The following SGCD variants were observed in gnomAD, a reference collection of about 807,000 sequenced individuals.
The protein encoded by SGCD is delta-sarcoglycan.
SGCD carries 18 observed loss-of-function variants against 36.6 expected under a neutral mutation model. The ratio of observed to expected loss-of-function variants is 0.49; its 90% confidence interval spans 0.34 to 0.73. SGCD has a LOEUF of 0.73. Among genes scored for constraint, SGCD ranks in the 30% least tolerant of loss-of-function variants. The pLI is 0.01. For missense variants in SGCD, 387 were observed against 346.7 expected, an observed-to-expected ratio of 1.12 and a Z score of -0.92; for synonymous variants, 133 against 130.6, an observed-to-expected ratio of 1.02 and a Z score of -0.12.
At chr5:156,738,974 C>A (rs1433050235) in intron 7 of SGCD, among the ~76,000 whole-genome samples, 2 of 152,204 alleles carry the variant, frequency 1.3e-5, no homozygotes, top group Admixed American at 1.3e-4. Flanking sequence ...AAATATCCTA[C>A]ATTCCCTTCT....
the SGCD span, among the ~76,000 whole-genome samples, chr5:155,749,716 C>A: frequency 6.6e-6 from 1 of 152,188 alleles, no homozygotes; most frequent in Non-Finnish European, 1.5e-5. Context: ...TTATATCATT[C>A]ATGAATGGAA....
chr5:156,346,867 G>A (rs984970325), intron 3 of SGCD, among the ~76,000 whole-genome samples: 3 of 151,364 alleles, frequency 2.0e-5, no homozygotes, highest in African/African-American at 7.3e-5. Context: ...GCACAATCTC[G>A]GCTCACTGCC....
chr5:155,775,764 G>T, the SGCD span, among the ~76,000 whole-genome samples: 1 of 152,156 alleles, frequency 6.6e-6, no homozygotes, highest in South Asian at 2.1e-4. Context: ...AAGCCTGGAG[G>T]ATGCCTTGGG....
intron 7 of SGCD, among the ~76,000 whole-genome samples, chr5:156,676,295 G>A (rs994755141): frequency 6.6e-6 from 1 of 152,124 alleles, no homozygotes; most frequent in Non-Finnish European, 1.5e-5. Flanking sequence ...GTTCCTGCCT[G>A]CAACCTGTTG....
chr5:156,189,196 G>A (rs1581157534), intron 3 of SGCD, among the ~76,000 whole-genome samples: 1 of 152,248 alleles, frequency 6.6e-6, no homozygotes, highest in East Asian at 1.9e-4. Flanking sequence ...TCTGGCACCT[G>A]CCATTAATGC....
intron 3 of SGCD, among the ~76,000 whole-genome samples, chr5:156,211,740 T>C (rs1250246221): frequency 1.3e-5 from 2 of 152,064 alleles, no homozygotes; most frequent in Admixed American, 1.3e-4. Flanking sequence ...GGAATGATGG[T>C]ATATAAATTA....
chr5:155,890,716 G>A (rs1469621507), intron 1 of SGCD, among the ~76,000 whole-genome samples: 1 of 152,054 alleles, frequency 6.6e-6, no homozygotes, highest in East Asian at 1.9e-4. Flanking sequence ...GAAAAGGAAA[G>A]GACACAGGGC....
At chr5:155,946,798 T>C (rs927592325) in intron 1 of SGCD, among the ~76,000 whole-genome samples, 4 of 152,226 alleles carry the variant, frequency 2.6e-5, no homozygotes, top group African/African-American at 9.6e-5. Context: ...GTATATGATT[T>C]TCCTCCTTTG....
intron 1 of SGCD, among the ~76,000 whole-genome samples, chr5:155,902,750 G>A (rs1409851657): frequency 6.6e-6 from 1 of 152,156 alleles, no homozygotes; most frequent in Non-Finnish European, 1.5e-5. Context: ...CATGTTCAAT[G>A]AACACTATTG....
chr5:156,427,519 G>A (rs999065385), intron 3 of SGCD, among the ~76,000 whole-genome samples: 4 of 151,988 alleles, frequency 2.6e-5, no homozygotes, highest in Non-Finnish European at 4.4e-5. Flanking sequence ...CAATTCGGAG[G>A]CCCTTTCTTT....
At chr5:156,413,591 C>T (rs1772881172) in intron 3 of SGCD, among the ~76,000 whole-genome samples, 1 of 152,216 alleles carries the variant, frequency 6.6e-6, no homozygotes, top group African/African-American at 2.4e-5. Context: ...GTTCTCCTGC[C>T]TCAGCCACCT....
chr5:155,941,732 G>A (rs1266403223), intron 1 of SGCD, among the ~76,000 whole-genome samples: 1 of 151,902 alleles, frequency 6.6e-6, no homozygotes, highest in Non-Finnish European at 1.5e-5. Context: ...TATGTTCAAA[G>A]TCTCATACAT....
At chr5:155,883,793 C>CAAAAA (rs34250962) in intron 1 of SGCD, among the ~76,000 whole-genome samples, 322 of 82,884 alleles carry the variant, frequency 3.9e-3, no homozygotes, top group Non-Finnish European at 5.3e-3. Flanking sequence ...CTTCAATTTG[C>CAAAAA]AAAAAAAAAA....
chr5:155,870,778 A>G (rs1489355939), intron 1 of SGCD, among the ~76,000 whole-genome samples: 1 of 152,148 alleles, frequency 6.6e-6, no homozygotes, highest in African/African-American at 2.4e-5. Flanking sequence ...GACATGTGAA[A>G]ACATCCTACT....
intron 1 of SGCD, among the ~76,000 whole-genome samples, chr5:155,946,679 T>G (rs1757443593): frequency 6.6e-6 from 1 of 152,188 alleles, no homozygotes; most frequent in Non-Finnish European, 1.5e-5. Flanking sequence ...TTACTGTTTA[T>G]GTAACTATAA....
chr5:156,063,576 T>G (rs1427827942), intron 1 of SGCD, among the ~76,000 whole-genome samples: 1 of 106,300 alleles, frequency 9.4e-6, no homozygotes, highest in Admixed American at 9.1e-5. Context: ...GCATGGAATG[T>G]TCTTCCATTT....
At chr5:155,751,576 A>G in the SGCD span, among the ~76,000 whole-genome samples, 125 of 152,072 alleles carry the variant, frequency 8.2e-4, 3 homozygotes, top group East Asian at 0.024. Flanking sequence ...TTTGGTAGAG[A>G]TGGGGCTTTG....
At chr5:156,498,428 A>G (rs956814015) in intron 3 of SGCD, among the ~76,000 whole-genome samples, 1 of 152,154 alleles carries the variant, frequency 6.6e-6, no homozygotes, top group African/African-American at 2.4e-5. Context: ...CCTCGAATCC[A>G]TTTATAGTCT....
At chr5:156,170,527 G>C (rs542316534) in intron 3 of SGCD, among the ~76,000 whole-genome samples, 1 of 152,228 alleles carries the variant, frequency 6.6e-6, no homozygotes, top group East Asian at 2.0e-4. Context: ...GACACCACTT[G>C]TCACCACTTG....
Sources: allele counts gnomAD v4.1 joint callset (sites outside exome capture counted in the v4.1 genomes callset), GRCh38; gene constraint gnomAD v4.1.1; transcripts MANE v1.5; gene names NCBI Gene and HGNC (gene_info 2026-07-23, HGNC 2026-07-21).